The following THRB variants were observed in gnomAD, a reference collection of about 807,000 sequenced individuals.
THRB encodes the protein thyroid hormone receptor beta.
In THRB, 12 loss-of-function variants were observed where a neutral mutation model predicts 47.8. The observed-to-expected ratio is 0.25, with a 90% CI of 0.16 to 0.41. The LOEUF is 0.41. Among genes scored for constraint, THRB ranks in the 10% least tolerant of loss-of-function variants. THRB has a pLI of 1.00. For synonymous variants in THRB, 218 were observed against 212.2 expected (o/e 1.03, Z -0.24); for missense variants, 348 against 589.2 (o/e 0.59, Z 4.24).
At chr3:24,335,923 G>T (rs1020684978) in intron 2 of THRB, among the ~76,000 whole-genome samples, 1 of 152,172 alleles carries the variant, frequency 6.6e-6, no homozygotes, top group Non-Finnish European at 1.5e-5. Flanking sequence ...CCTTGATTGA[G>T]GTGGGATGAA....
chr3:24,395,639 T>C (rs929802044), intron 1 of THRB, among the ~76,000 whole-genome samples: 2 of 152,012 alleles, frequency 1.3e-5, no homozygotes, highest in Non-Finnish European at 2.9e-5. Context: ...TGTAGAGAAA[T>C]TGGAACCCTT....
intron 4 of THRB, among the ~76,000 whole-genome samples, chr3:24,201,393 T>C (rs1027884223): frequency 6.6e-6 from 1 of 152,060 alleles, no homozygotes; most frequent in Non-Finnish European, 1.5e-5. Context: ...CAAAGTGCAG[T>C]CTAAGGACCT....
At chr3:24,269,387 ACGCGCG>A (rs140133862) in intron 3 of THRB, among the ~76,000 whole-genome samples, 1,010 of 98,324 alleles carry the variant, frequency 0.01, 12 homozygotes, top group Non-Finnish European at 0.012. Flanking sequence ...CATAGCTCAC[ACGCGCG>A]CGCGCGCGCG....
At chr3:24,238,877 G>A (rs1162228241) in intron 3 of THRB, among the ~76,000 whole-genome samples, 2 of 151,924 alleles carry the variant, frequency 1.3e-5, no homozygotes, top group African/African-American at 4.8e-5. Flanking sequence ...GGGACATGGG[G>A]CTACATTGCA....
chr3:24,227,163 G>A (rs1326974549), intron 4 of THRB, among the ~76,000 whole-genome samples: 3 of 152,202 alleles, frequency 2.0e-5, no homozygotes, highest in African/African-American at 7.2e-5. Flanking sequence ...TTATCATGGA[G>A]TAGAGAGCCA....
At chr3:24,173,528 C>CT (rs1198111023) in intron 5 of THRB, among the ~76,000 whole-genome samples, 3 of 152,186 alleles carry the variant, frequency 2.0e-5, no homozygotes, top group Non-Finnish European at 4.4e-5. Context: ...GCAGTGATAT[C>CT]TGACATTTTT....
At chr3:24,423,283 G>T (rs1222114798) in intron 1 of THRB, among the ~76,000 whole-genome samples, 1 of 151,812 alleles carries the variant, frequency 6.6e-6, no homozygotes, top group Admixed American at 6.6e-5. Context: ...TTTTGGGATG[G>T]TTTGTTATAT....
intron 4 of THRB, among the ~76,000 whole-genome samples, chr3:24,210,123 G>A (rs953377241): frequency 2.0e-5 from 3 of 152,098 alleles, no homozygotes; most frequent in Non-Finnish European, 4.4e-5. Context: ...TTCAGGGGAC[G>A]GTGCTGCAAA....
chr3:24,333,943 C>T (rs1484557958), intron 2 of THRB, among the ~76,000 whole-genome samples: 1 of 152,118 alleles, frequency 6.6e-6, no homozygotes, highest in African/African-American at 2.4e-5. Context: ...TTTCCTTTTT[C>T]AAAAACCTTT....
At chr3:24,303,492 C>T (rs570775105) in intron 2 of THRB, among the ~76,000 whole-genome samples, 8 of 152,306 alleles carry the variant, frequency 5.3e-5, no homozygotes, top group Admixed American at 3.3e-4. Flanking sequence ...ACACCAGACA[C>T]GTGAGCATGC....
chr3:24,139,389 CT>C (rs5847276), intron 8 of THRB, among the ~76,000 whole-genome samples: 51 of 144,008 alleles, frequency 3.5e-4, no homozygotes, highest in Admixed American at 4.1e-4. Context: ...TCTTTTCTTT[CT>C]TTTTTTTTTT....
At chr3:24,278,773 C>T (rs534515207) in intron 3 of THRB, among the ~76,000 whole-genome samples, 5 of 152,334 alleles carry the variant, frequency 3.3e-5, no homozygotes, top group African/African-American at 4.8e-5. Context: ...CAGCACCCAA[C>T]GTGGCAGCTG....
At chr3:24,293,940 C>A (rs2056202389) in intron 3 of THRB, among the ~76,000 whole-genome samples, 1 of 152,180 alleles carries the variant, frequency 6.6e-6, no homozygotes, top group South Asian at 2.1e-4. Flanking sequence ...TAGATTGTTT[C>A]CACAAATGGC....
chr3:24,249,445 T>G (rs1451436632), intron 3 of THRB, among the ~76,000 whole-genome samples: 2 of 152,154 alleles, frequency 1.3e-5, no homozygotes, highest in East Asian at 3.9e-4. Flanking sequence ...CATGGCAGTA[T>G]GAAGAATTAA....
At chr3:24,183,011 C>T (rs1028379390) in intron 5 of THRB, among the ~76,000 whole-genome samples, 4 of 152,126 alleles carry the variant, frequency 2.6e-5, no homozygotes, top group African/African-American at 9.7e-5. Flanking sequence ...TCCAGTTCAG[C>T]TACTTCATTT....
intron 5 of THRB, among the ~76,000 whole-genome samples, chr3:24,155,474 G>A (rs1027875857): frequency 1.3e-5 from 2 of 152,158 alleles, no homozygotes; most frequent in South Asian, 4.1e-4. Context: ...TTATGCCTAA[G>A]TCCATTATTC....
intron 2 of THRB, among the ~76,000 whole-genome samples, chr3:24,329,201 T>C (rs1174510388): frequency 2.0e-5 from 3 of 152,286 alleles, no homozygotes; most frequent in South Asian, 4.1e-4. Flanking sequence ...CACCTTGGCC[T>C]CCCAAAGTTC....
intron 3 of THRB, among the ~76,000 whole-genome samples, chr3:24,239,894 G>A (rs527791977): frequency 6.0e-4 from 91 of 152,144 alleles, no homozygotes; most frequent in African/African-American, 2.0e-3. Context: ...TATTTTTTAC[G>A]GTGACCCTAG....
intron 3 of THRB, among the ~76,000 whole-genome samples, chr3:24,288,006 A>G (rs554766816): frequency 3.3e-5 from 5 of 152,376 alleles, no homozygotes; most frequent in Admixed American, 3.3e-4. Flanking sequence ...CTGTGGTTCC[A>G]AAGTTGCACT....
Sources: gnomAD v4.1 joint callset for allele counts (sites outside exome capture counted in the v4.1 genomes callset) on GRCh38, gnomAD v4.1.1 for gene constraint, MANE v1.5 for transcripts, NCBI Gene and HGNC (gene_info 2026-07-23, HGNC 2026-07-21) for gene names.